EYA3: variants seen among roughly 807,000 people sequenced by gnomAD.
The protein encoded by EYA3 is protein phosphatase EYA3.
In EYA3, 39 loss-of-function variants were observed where a neutral mutation model predicts 80.0. The ratio of observed to expected loss-of-function variants is 0.49; its 90% CI spans 0.38 to 0.64. The LOEUF (loss-of-function observed/expected upper bound fraction) is 0.64, where lower values mean the gene tolerates loss of function less well. Ranked by LOEUF, EYA3 falls within the 30% of genes least tolerant of loss-of-function variation. The probability of loss-of-function intolerance (pLI) is 0.00; values close to 1 mark genes in which losing one functional copy is unlikely to be tolerated. For missense variants in EYA3, 523 were observed against 676.1 expected (o/e 0.77, Z 2.51); for synonymous variants, 206 against 232.8 (o/e 0.88, Z 1.05).
chr1:28,050,028 A>G (rs1644178160), intron 2 of EYA3, among the ~76,000 whole-genome samples: 1 of 152,068 alleles, frequency 6.6e-6, no homozygotes, highest in Non-Finnish European at 1.5e-5. Context: ...TAATTTAAAC[A>G]AAGAAAATTA....
chr1:28,053,866 T>A (rs538763266), intron 2 of EYA3, among the ~76,000 whole-genome samples: 1 of 152,320 alleles, frequency 6.6e-6, no homozygotes, highest in African/African-American at 2.4e-5. Context: ...GTATTAAGCA[T>A]CTCAAATGTC....
At chr1:28,044,571 C>G (rs150513119) in intron 3 of EYA3, among the ~76,000 whole-genome samples, 1 of 152,100 alleles carries the variant, frequency 6.6e-6, no homozygotes, top group Non-Finnish European at 1.5e-5. Flanking sequence ...ACCAGAGGTT[C>G]TATATATCTG....
chr1:28,002,515 A>C (rs1346070475), intron 11 of EYA3, among the ~76,000 whole-genome samples: 1 of 152,020 alleles, frequency 6.6e-6, no homozygotes, highest in Non-Finnish European at 1.5e-5. Context: ...AAGCCTGTAG[A>C]AAATACTAAC....
At chr1:28,021,250 G>A (rs1557579433) in intron 7 of EYA3, among the ~76,000 whole-genome samples, 1 of 152,094 alleles carries the variant, frequency 6.6e-6, no homozygotes, top group Non-Finnish European at 1.5e-5. Context: ...TGTTCTCTCT[G>A]CCTAGACTGT....
At chr1:28,041,054 G>C (rs1643749102) in intron 4 of EYA3, among the ~76,000 whole-genome samples, 3 of 152,164 alleles carry the variant, frequency 2.0e-5, no homozygotes. Context: ...GAGCAAGTAT[G>C]CTGCTTACAT....
chr1:28,005,361 T>C, intron 10 of EYA3, among the ~76,000 whole-genome samples: 1 of 152,122 alleles, frequency 6.6e-6, no homozygotes, highest in Non-Finnish European at 1.5e-5. Context: ...GATACCAAAG[T>C]CAGACTAAGG....
chr1:28,079,516 A>G (rs1038459891), intron 1 of EYA3, among the ~76,000 whole-genome samples: 1 of 152,222 alleles, frequency 6.6e-6, no homozygotes, highest in African/African-American at 2.4e-5. Flanking sequence ...GTGAAAACCA[A>G]CTGAAAGGAC....
intron 2 of EYA3, among the ~76,000 whole-genome samples, chr1:28,051,409 C>T (rs956597410): frequency 3.2e-4 from 49 of 152,070 alleles, no homozygotes; most frequent in African/African-American, 1.2e-3. Context: ...GGAATATGGC[C>T]GGGTCCAGTG....
chr1:28,032,178 G>C (rs149075482), intron 6 of EYA3: 1 of 152,230 alleles, frequency 6.6e-6, no homozygotes, highest in African/African-American at 2.4e-5. Flanking sequence ...TACCGCACCT[G>C]GCTATACACA....
chr1:28,066,194 C>T (rs1644831957), intron 1 of EYA3, among the ~76,000 whole-genome samples: 1 of 152,098 alleles, frequency 6.6e-6, no homozygotes, highest in Admixed American at 6.5e-5. Context: ...GACTTCATCA[C>T]ACTACTCAGA....
intron 1 of EYA3, among the ~76,000 whole-genome samples, chr1:28,068,798 T>G (rs991263482): frequency 6.6e-6 from 1 of 152,162 alleles, no homozygotes; most frequent in African/African-American, 2.4e-5. Context: ...TTTTGTTTGT[T>G]TGTTTTTTGA....
At chr1:28,063,322 AT>A (rs199751730) in intron 1 of EYA3, among the ~76,000 whole-genome samples, 6 of 108,296 alleles carry the variant, frequency 5.5e-5, no homozygotes, top group Non-Finnish European at 9.9e-5. Flanking sequence ...TTTATTTTTA[AT>A]TTTTTTTGGG....
chr1:28,054,417 C>T (rs773339396), intron 2 of EYA3, among the ~76,000 whole-genome samples: 1 of 152,088 alleles, frequency 6.6e-6, no homozygotes, highest in East Asian at 1.9e-4. Flanking sequence ...CAATAGCATA[C>T]CTAAATTTTT....
chr1:28,064,565 C>G (rs1309028008), intron 1 of EYA3, among the ~76,000 whole-genome samples: 1 of 152,114 alleles, frequency 6.6e-6, no homozygotes, highest in African/African-American at 2.4e-5. Flanking sequence ...AACCTGTCTA[C>G]ACCATTCTTT....
intron 7 of EYA3, among the ~76,000 whole-genome samples, chr1:28,024,883 T>G (rs1265713116): frequency 6.6e-6 from 1 of 152,142 alleles, no homozygotes; most frequent in Non-Finnish European, 1.5e-5. Context: ...ATGGTACCAC[T>G]GAAGTACAAA....
intron 1 of EYA3, among the ~76,000 whole-genome samples, chr1:28,071,371 TTTGA>T (rs1321305921): frequency 6.6e-6 from 1 of 152,268 alleles, no homozygotes; most frequent in Non-Finnish European, 1.5e-5. Flanking sequence ...ATTTTTCTGT[TTTGA>T]TTGAAGTTCC....
chr1:27,999,588 TAATTG>T (rs1007309357), intron 12 of EYA3, among the ~76,000 whole-genome samples: 2 of 152,132 alleles, frequency 1.3e-5, no homozygotes, highest in Non-Finnish European at 2.9e-5. Context: ...AGTCAAAACA[TAATTG>T]AGAGTACAAA....
chr1:28,017,076 G>A, intron 8 of EYA3, 78 bp downstream of exon 8: 1 of 1,268,384 alleles, frequency 7.9e-7, no homozygotes, highest in South Asian at 1.2e-5. Flanking sequence ...TTCTTAGATA[G>A]GCAAATTGAC....
intron 16 of EYA3, among the ~76,000 whole-genome samples, chr1:27,986,319 C>T (rs1388694146): frequency 1.3e-5 from 2 of 151,490 alleles, no homozygotes; most frequent in African/African-American, 2.4e-5. Context: ...AAGCCAAGAT[C>T]GCACCATTGC....
Sources: gnomAD v4.1 joint callset for allele counts (sites outside exome capture counted in the v4.1 genomes callset) on GRCh38, gnomAD v4.1.1 for gene constraint, MANE v1.5 for transcripts, NCBI Gene and HGNC (gene_info 2026-07-23, HGNC 2026-07-21) for gene names.